The following VRK2 variants were observed in gnomAD, a reference collection of about 807,000 sequenced individuals.
VRK2 encodes serine/threonine-protein kinase VRK2.
In VRK2, 60 loss-of-function variants were observed where a neutral mutation model predicts 57.6. The ratio of observed to expected loss-of-function variants is 1.04; its 90% CI spans 0.85 to 1.29. VRK2 has a LOEUF of 1.29. Among genes scored for constraint, VRK2 ranks in the 50% most tolerant of loss-of-function variants. The probability of loss-of-function intolerance (pLI) is 0.00; values close to 1 mark genes in which losing one functional copy is unlikely to be tolerated. For synonymous variants in VRK2, 231 were observed against 199.2 expected (o/e 1.16, Z -1.35); for missense variants, 705 against 588.1 (o/e 1.20, Z -2.06).
Position 58,138,676 on chromosome 2 carries a change from G to A in VRK2, c.857-990G>A, listed in dbSNP as rs966506927. Among the ~76,000 whole-genome samples, 9 of 152,230 alleles carry A rather than the reference G, an allele frequency of 5.9e-5. No individual in the cohort carries two copies. In the East Asian group the frequency reaches 1.5e-3, roughly 26 times the overall value. ...GGATTAGGAAGTCACTCCTGCCAAC[G>A]CATGAAGTTTCCCAGGTTTTCCCAC... On this transcript the variant is annotated intron_variant, in intron 10 of 12. Coordinates refer to ENST00000340157, the MANE Select transcript of VRK2 (RefSeq NM_006296.7).
rs34855177 is a variant in VRK2, at chr2:58,007,217, C to CCTCTCTCTCTCT, written c.-438-18436_-438-18425dup. Among the ~76,000 whole-genome samples, 9 of 141,508 alleles carry CCTCTCTCTCTCT rather than the reference C, an allele frequency of 6.4e-5. No individual in the cohort carries two copies. The Admixed American group carries it at 6.4e-4, about 10-fold the overall frequency. The allele number at this position is 141,508 out of a possible 152,430, so 92.8% of individuals were successfully genotyped here. A position where few individuals can be genotyped will look rare whatever the true frequency, so the allele number is the denominator to read the frequency against. ...TTCTCATAATAAATCTCTCTCTCTC[C>CCTCTCTCTCTCT]CTCTCTCTCTCTCTCTCTCTCTCAT... On this transcript the variant is annotated intron_variant, in intron 1 of 15. Coordinates refer to the VRK2 transcript ENST00000417641.
intron 1 of VRK2, among the ~76,000 whole-genome samples, chr2:57,963,688 AAC>A (rs1259051493): frequency 6.6e-6 from 1 of 152,224 alleles, no homozygotes; most frequent in African/African-American, 2.4e-5. Flanking sequence ...CAGTCCCAGT[AAC>A]AGTGTCTTCA....
At position 57,943,849 on chromosome 2, in the gene VRK2, A is replaced by G. The variant is rs1671173328; in HGVS notation, c.-439+36010A>G. Among the ~76,000 whole-genome samples, 3 of 152,238 alleles carry G rather than the reference A, an allele frequency of 2.0e-5. No individual in the cohort carries two copies. The South Asian group carries it at 6.2e-4, about 32-fold the overall frequency. ...ACAGAGGTCAGCAAAGTCTTTCTGTAAAGGGTCAGACAGCAAACATTTTAT... is the reference window on the plus strand; with the variant it reads ...ACAGAGGTCAGCAAAGTCTTTCTGTGAAGGGTCAGACAGCAAACATTTTAT... On this transcript the variant is annotated intron_variant, in intron 1 of 15. Coordinates refer to the VRK2 transcript ENST00000417641.
At chr2:58,077,295 G>A (rs1055855634) in intron 2 of VRK2, among the ~76,000 whole-genome samples, 2 of 151,810 alleles carry the variant, frequency 1.3e-5, no homozygotes, top group African/African-American at 2.4e-5. Flanking sequence ...TCAGTTCATT[G>A]AATCATGATT....
At chr2:58,115,969 G>C (rs1435029676) in intron 7 of VRK2, among the ~76,000 whole-genome samples, 2 of 152,196 alleles carry the variant, frequency 1.3e-5, no homozygotes, top group Non-Finnish European at 2.9e-5. Context: ...TATGGGTTTG[G>C]CACCACGGGG....
intron 12 of VRK2, among the ~76,000 whole-genome samples, chr2:58,152,156 C>G (rs1049636614): frequency 1.3e-5 from 2 of 151,810 alleles, no homozygotes; most frequent in African/African-American, 4.8e-5. Context: ...ATGGTATAAT[C>G]AGAATAATAT....
intron 2 of VRK2, among the ~76,000 whole-genome samples, chr2:58,077,326 A>T (rs994967546): frequency 1.3e-5 from 2 of 151,998 alleles, no homozygotes. Context: ...AAGTCCTCGG[A>T]TTCTTAATTT....
chr2:57,951,199 G>A (rs866274081), intron 1 of VRK2, among the ~76,000 whole-genome samples: 1 of 152,150 alleles, frequency 6.6e-6, no homozygotes, highest in African/African-American at 2.4e-5. Context: ...CCTCATTAAT[G>A]ACTTTGAGGT....
rs532494937 is a variant in VRK2 at position 58,081,825 on chromosome 2, C to A, written c.137-2264C>A. Reference sequence around the variant, plus strand: ...TTATAATCCAAGACATCTTAGATTTCTCCACCAGACAGCAAAAGCATATAC... The same window carrying A: ...TTATAATCCAAGACATCTTAGATTTATCCACCAGACAGCAAAAGCATATAC... On this transcript the variant is annotated intron_variant, in intron 2 of 12. Coordinates refer to ENST00000340157, the MANE Select transcript of VRK2 (RefSeq NM_006296.7). 7.8e-4 allele frequency among the ~76,000 whole-genome samples: 117 copies of A among 150,322 alleles called. 1 individual carries two copies. The highest frequency in any genetic ancestry group is 2.8e-3 in the African/African-American group (114 of 40,982).
At chr2:57,932,426 T>A (rs753762596) in intron 1 of VRK2, among the ~76,000 whole-genome samples, 6 of 152,170 alleles carry the variant, frequency 3.9e-5, no homozygotes, top group Non-Finnish European at 8.8e-5. Context: ...ATTCATCTTA[T>A]TGATTATCTT....
chr2:57,987,999 T>C (rs1050615621), intron 1 of VRK2, among the ~76,000 whole-genome samples: 10 of 152,032 alleles, frequency 6.6e-5, no homozygotes, highest in African/African-American at 2.4e-4. Context: ...GGGCCTGGGG[T>C]TGGGAGGAAA....
intron 1 of VRK2, among the ~76,000 whole-genome samples, chr2:58,021,873 C>G (rs2103673687): frequency 6.6e-6 from 1 of 152,278 alleles, no homozygotes; most frequent in South Asian, 2.1e-4. Flanking sequence ...TCCAATGTCC[C>G]TGACTTTTAA....
At chr2:57,947,278 T>C (rs1263573733) in intron 1 of VRK2, among the ~76,000 whole-genome samples, 2 of 152,174 alleles carry the variant, frequency 1.3e-5, no homozygotes, top group Non-Finnish European at 2.9e-5. Context: ...CTCTATAGAA[T>C]GATTCCCTTC....
At chr2:57,983,507 C>T (rs985190934) in intron 1 of VRK2, among the ~76,000 whole-genome samples, 3 of 152,142 alleles carry the variant, frequency 2.0e-5, no homozygotes, top group Non-Finnish European at 2.9e-5. Context: ...TATGCTACCA[C>T]AACCCTGCCA....
chr2:57,939,510 A>T (rs570651736), intron 1 of VRK2, among the ~76,000 whole-genome samples: 1 of 152,336 alleles, frequency 6.6e-6, no homozygotes, highest in South Asian at 2.1e-4. Flanking sequence ...TTGTTCATTT[A>T]TTCAAATAAA....
At chr2:58,153,523 G>C (rs57390191) in intron 12 of VRK2, among the ~76,000 whole-genome samples, 46,619 of 151,888 alleles carry the variant, frequency 0.31, 8,446 homozygotes, top group East Asian at 0.43. Context: ...ACTGGTTTGT[G>C]GTTGAATATT....
At chr2:57,943,249 T>A (rs1233160479) in intron 1 of VRK2, among the ~76,000 whole-genome samples, 1 of 152,178 alleles carries the variant, frequency 6.6e-6, no homozygotes, top group Non-Finnish European at 1.5e-5. Flanking sequence ...ACCACACCAC[T>A]AGGCACATGT....
At chr2:57,978,432 A>C (rs776284813) in intron 1 of VRK2, among the ~76,000 whole-genome samples, 1 of 151,070 alleles carries the variant, frequency 6.6e-6, no homozygotes, top group Admixed American at 6.6e-5. Context: ...TGATAACAGA[A>C]GACCTAAAAA....
intron 1 of VRK2, among the ~76,000 whole-genome samples, chr2:57,993,280 A>T (rs754304592): frequency 3.9e-5 from 6 of 152,210 alleles, no homozygotes; most frequent in Non-Finnish European, 7.3e-5. Flanking sequence ...TATTTAGCTT[A>T]GTATGGTACT....
Sources: gnomAD v4.1 joint callset for allele counts (sites outside exome capture counted in the v4.1 genomes callset) on GRCh38, gnomAD v4.1.1 for gene constraint, MANE v1.5 for transcripts, NCBI Gene and HGNC (gene_info 2026-07-23, HGNC 2026-07-21) for gene names.